Variants in ANXA1 observed in about 807,000 individuals in gnomAD.
ANXA1 encodes annexin I (lipocortin I).
Under a neutral mutation model 47.9 loss-of-function variants are expected in ANXA1, and 39 were observed. The observed-to-expected ratio is 0.81, with a 90% confidence interval of 0.63 to 1.06. The LOEUF is 1.06. Among genes scored for constraint, ANXA1 ranks in the 50% least tolerant of loss-of-function variants. The pLI, the probability that ANXA1 is intolerant of heterozygous loss-of-function variation, is 0.00. For missense variants in ANXA1, 446 were observed against 422.7 expected (o/e 1.06, Z -0.48); for synonymous variants, 146 against 142.5 (o/e 1.02, Z -0.17).
rs76813661 is a variant in ANXA1 at position 73,164,423 on chromosome 9, C to T, written c.613-693C>T. On this transcript the variant is annotated intron_variant, in intron 8 of 12. Coordinates refer to ENST00000257497, the MANE Select transcript of ANXA1 (RefSeq NM_000700.3). ...CAAGAGTTAGCATTTGAATAATTGC[C>T]CATAATAAAAAATTCTTATTTGCTT... Among the ~76,000 whole-genome samples the T allele has an allele frequency of 4.9e-3, 750 of 152,012 alleles. 5 individuals are homozygous for T. Among genetic ancestry groups the T allele is most frequent in the African/African-American group, 0.016 (678 of 41,456 alleles).
chr9:73,160,250 T>C lies in ANXA1; in HGVS notation c.271-13T>C, dbSNP rs1196855550. The C allele has an allele frequency of 7.1e-7, 1 of 1,410,232 alleles. No homozygotes were observed. Among genetic ancestry groups the C allele is most frequent in the Non-Finnish European group, 9.6e-7 (1 of 1,047,084 alleles). The allele number at this position is 1,410,232 out of a possible 1,614,324, so 87.4% of individuals were successfully genotyped here. A position where few individuals can be genotyped will look rare whatever the true frequency, so the allele number is the denominator to read the frequency against. On this transcript the variant is annotated splice_polypyrimidine_tract_variant and intron_variant, in intron 4 of 12. Coordinates refer to ENST00000257497, the MANE Select transcript of ANXA1 (RefSeq NM_000700.3). ...CTTATTGGAAGTCCTGATTCTAATC[T>C]TTTTTTTTGTAGCCCCTGGATGAAA...
Position 73,163,517 on chromosome 9 carries a change from T to C in ANXA1, c.597T>C (p.Ala199=). The C allele has an allele frequency of 1.2e-6, 2 of 1,612,920 alleles. No homozygotes were observed. The highest frequency in any genetic ancestry group is 1.7e-6 in the Non-Finnish European group (2 of 1,179,154). ...ACTTTGGTGTGAATGAAGACTTGGC[T>C]GATTCAGATGCCAGGGTAAGGAAGT... The part of the protein sequence containing the change: ...SEDFGVNEDL[A]DSDARALYEA... The change falls in exon 8 of 13, where the codon GCT becomes GCC. Residue 199 remains alanine, a synonymous_variant. Transcript: ENST00000257497.
rs750091835 is a variant in ANXA1, at chr9:73,159,368, G to A, written c.215G>A (p.Arg72Gln). 5.0e-6 allele frequency: 8 copies of A among 1,613,102 alleles called. No homozygotes were observed. Among genetic ancestry groups the A allele is most frequent in the Admixed American group, 3.3e-5 (2 of 59,938 alleles). ...ACCATCATTGACATTCTAACTAAGCGAAACAATGCACAGCGTCAACAGATC... is the reference window on the plus strand; with the variant it reads ...ACCATCATTGACATTCTAACTAAGCAAAACAATGCACAGCGTCAACAGATC... Reference protein sequence around the residue: ...EATIIDILTKRNNAQRQQIKA... With the variant: ...EATIIDILTKQNNAQRQQIKA... Residue 72 changes from arginine (R) to glutamine (Q), a missense_variant, in exon 4 of 13, where the codon CGA becomes CAA. Physicochemically the swap from Arg to Gln is conservative, Grantham distance 43. Coordinates refer to ENST00000257497, the MANE Select transcript of ANXA1 (RefSeq NM_000700.3).
intron 1 of ANXA1, chr9:73,154,140 A>G (rs1159004403): frequency 3.3e-5 from 12 of 368,728 alleles, no homozygotes; most frequent in Non-Finnish European, 6.2e-5. Context: ...GCTACCTTTC[A>G]TAAATTGCTT....
intron 6 of ANXA1, among the ~76,000 whole-genome samples, chr9:73,161,561 G>C (rs927716170): frequency 1.3e-5 from 2 of 152,004 alleles, no homozygotes; most frequent in Non-Finnish European, 2.9e-5. Context: ...TGAGCTGCTG[G>C]CTTTTTGGCT....
Position 73,163,469 on chromosome 9 carries a change from C to T in ANXA1, c.556-7C>T. The stretch of plus-strand genomic sequence containing the variant: ...AAGAGCTTACAATAGAATGGGATTT[C>T]TTTCAGGGTGACCGATCTGAGGACT... On this transcript the variant is annotated splice_polypyrimidine_tract_variant and splice_region_variant and intron_variant, in intron 7 of 12. Coordinates refer to ENST00000257497, the MANE Select transcript of ANXA1 (RefSeq NM_000700.3). 6.2e-7 allele frequency: 1 copy of T among 1,612,464 alleles called. No individual in the cohort carries two copies. Among genetic ancestry groups the T allele is most frequent in the South Asian group, 1.1e-5 (1 of 91,034 alleles).
intron 10 of ANXA1, 127 bp from the exon 11 acceptor site, chr9:73,167,370 G>A: frequency 1.3e-6 from 1 of 747,828 alleles, no homozygotes; most frequent in Non-Finnish European, 2.3e-6. Context: ...ATTGGGAGAT[G>A]AGAGGTGAAG....
chr9:73,165,246 G>T, intron 9 of ANXA1, 37 bp downstream of exon 9: 1 of 1,549,224 alleles, frequency 6.5e-7, no homozygotes, highest in Non-Finnish European at 8.9e-7. Flanking sequence ...TCTGTTTATG[G>T]AAGATGCAAT....
rs137860489 is a variant in ANXA1, at chr9:73,163,496, T to C, written c.576T>C (p.Phe192=). 3.1e-6 allele frequency: 5 copies of C among 1,612,964 alleles called. No individual in the cohort carries two copies. In the East Asian group the frequency reaches 6.7e-5, roughly 22 times the overall value. Residue 192 remains phenylalanine, a synonymous_variant, in exon 8 of 13, where the codon TTT becomes TTC. Transcript: ENST00000257497. ...TTCAGGGTGACCGATCTGAGGACTT[T>C]GGTGTGAATGAAGACTTGGCTGATT... ...SLAKGDRSED[F]GVNEDLADSD...
chr9:73,162,764 A>G lies in ANXA1; in HGVS notation c.476-18A>G, dbSNP rs762774079. On this transcript the variant is annotated intron_variant, in intron 6 of 12. Transcript: ENST00000257497. ...TCATCACTGGTTTACTATAAAATCT[A>G]TTTTTCTTTTTTCTCAGAACTGAAG... is the stretch of plus-strand genomic sequence containing the variant. 3.1e-6 allele frequency: 5 copies of G among 1,587,832 alleles called. No homozygotes were observed. The highest frequency in any genetic ancestry group is 1.4e-5 in the African/African-American group (1 of 74,024).
rs267602264 is a variant in ANXA1, at chr9:73,160,362, C to T, written c.370C>T (p.Arg124Cys). ...AGCGCAATTTGATGCTGATGAACTTCGTGCTGCCATGAAGGTAAATCGCCC... is the reference window on the plus strand; with the variant it reads ...AGCGCAATTTGATGCTGATGAACTTTGTGCTGCCATGAAGGTAAATCGCCC... ...TPAQFDADELRAAMKGLGTDE... is the reference protein window; with the variant it reads ...TPAQFDADELCAAMKGLGTDE... The change falls in exon 5 of 13, where the codon CGT (arginine) becomes TGT (cysteine). Residue 124 changes from arginine (R) to cysteine (C), a missense_variant. Coordinates refer to ENST00000257497, the MANE Select transcript of ANXA1 (RefSeq NM_000700.3). 5 of 1,576,848 alleles carry T rather than the reference C, an allele frequency of 3.2e-6. No individual in the cohort carries two copies. Among genetic ancestry groups the T allele is most frequent in the Middle Eastern group, 1.7e-4 (1 of 5,924 alleles).
chr9:73,165,032 T>C, intron 8 of ANXA1, 84 bp from the exon 9 acceptor site: 1 of 1,109,780 alleles, frequency 9.0e-7, no homozygotes, highest in Non-Finnish European at 1.3e-6. Flanking sequence ...CGATTGCCTA[T>C]ATAATCTTTG....
intron 1 of ANXA1, chr9:73,154,274 TC>T: frequency 7.3e-7 from 1 of 1,360,862 alleles, no homozygotes; most frequent in Non-Finnish European, 9.8e-7. Flanking sequence ...AAAAATAAAC[TC>T]CCTAAGGCTG....
intron 1 of ANXA1, chr9:73,157,720 C>G (rs1357638209): frequency 6.7e-6 from 1 of 148,822 alleles, no homozygotes; most frequent in Non-Finnish European, 1.5e-5. Context: ...TGTACAGGCT[C>G]TCATTAATTC....
Position 73,169,046 on chromosome 9 carries a change from C to T in ANXA1, c.876C>T (p.Arg292=), listed in dbSNP as rs867226678. The change falls in exon 12 of 13, where the codon CGC becomes CGT. Residue 292 remains arginine (R), a synonymous_variant. Coordinates refer to ENST00000257497, the MANE Select transcript of ANXA1 (RefSeq NM_000700.3). The part of the protein sequence containing the change: ...LHQAMKGVGT[R]HKALIRIMVS... ...ATTTTGGCCAGGGTGTTGGAACTCG[C>T]CATAAGGCATTGATCAGGATTATGG... is the stretch of plus-strand genomic sequence containing the variant. 3 of 1,611,320 alleles carry T rather than the reference C, an allele frequency of 1.9e-6. No individual in the cohort carries two copies. Among genetic ancestry groups the T allele is most frequent in the Non-Finnish European group, 2.5e-6 (3 of 1,178,818 alleles).
At chr9:73,165,284 A>AG in intron 9 of ANXA1, 75 bp downstream of exon 9, 1 of 1,177,820 alleles carries the variant, frequency 8.5e-7, no homozygotes, top group Non-Finnish European at 1.2e-6. Flanking sequence ...AATAAGAGAA[A>AG]GTAAAAACAG....
chr9:73,159,561 T>C, intron 4 of ANXA1, 138 bp downstream of exon 4: 1 of 590,852 alleles, frequency 1.7e-6, no homozygotes. Flanking sequence ...ATTGCAGTGT[T>C]TATCCACTTT....
chr9:73,165,201 T>A lies in ANXA1; in HGVS notation c.698T>A (p.Leu233His). 1 of 1,612,032 alleles carries A rather than the reference T, an allele frequency of 6.2e-7. No homozygotes were observed. Among genetic ancestry groups the A allele is most frequent in the South Asian group, 1.1e-5 (1 of 90,970 alleles). The change falls in exon 9 of 13, where the codon CTT becomes CAT. Residue 233 changes from leucine to histidine, a missense_variant. Transcript: ENST00000257497. ...CTTACCACCAGAAGCTATCCACAAC[T>A]TCGCAGAGGTAACAATAAATTTCTT... is the stretch of plus-strand genomic sequence containing the variant. ...TILTTRSYPQLRRVFQKYTKY... is the reference protein window; with the variant it reads ...TILTTRSYPQHRRVFQKYTKY...
In ANXA1 at chr9:73,169,159, GTT is replaced by G. The variant is rs757786869; in HGVS notation, c.984+8_984+9del. The G allele has an allele frequency of 2.1e-5, 33 of 1,604,546 alleles. No homozygotes were observed. Among genetic ancestry groups the G allele is most frequent in the Non-Finnish European group, 2.7e-5 (32 of 1,176,216 alleles). ...TCCCTTTGCCAAGCCATCCTGGTATGTTTTGATTCCTCTAATGCCATCCCAAC... is the reference window on the plus strand; with the variant it reads ...TCCCTTTGCCAAGCCATCCTGGTATGTTGATTCCTCTAATGCCATCCCAAC... On this transcript the variant is annotated splice_donor_region_variant and intron_variant, in intron 12 of 12. Transcript: ENST00000257497.
Sources: allele counts gnomAD v4.1 joint callset (sites outside exome capture counted in the v4.1 genomes callset), GRCh38; gene constraint gnomAD v4.1.1; transcripts MANE v1.5; gene names NCBI Gene and HGNC (gene_info 2026-07-23, HGNC 2026-07-21).